Variants in MADD observed in about 807,000 individuals in gnomAD.
MADD encodes the protein MAP kinase-activating death domain protein.
A neutral mutation model predicts 176.7 loss-of-function variants in MADD; 109 were observed. That is an observed-to-expected ratio of 0.62 (90% CI 0.53 to 0.72). The LOEUF (loss-of-function observed/expected upper bound fraction) is 0.72. Ranked by LOEUF, MADD falls within the 30% of genes least tolerant of loss-of-function variation. The pLI is 0.00. For missense variants in MADD, 1,914 were observed against 2,045.5 expected, an observed-to-expected ratio of 0.94 and a Z score of 1.24; for synonymous variants, 771 against 771.3, an observed-to-expected ratio of 1.00 and a Z score of 0.01.
At chr11:47,317,077 T>A (rs1394363724) in intron 27 of MADD, among the ~76,000 whole-genome samples, 1 of 152,210 alleles carries the variant, frequency 6.6e-6, no homozygotes, top group Non-Finnish European at 1.5e-5. Context: ...AGATAGCACA[T>A]CTTATCCATT....
At chr11:47,313,394 CCTCCTGGG>C (rs773489811) in intron 26 of MADD, among the ~76,000 whole-genome samples, 72 of 151,524 alleles carry the variant, frequency 4.8e-4, no homozygotes, top group Non-Finnish European at 8.4e-4. Context: ...GCTACCTCCG[CCTCCTGGG>C]CTCCTGGGTT....
chr11:47,309,264 A>C lies in MADD; in HGVS notation c.3752-17A>C. On this transcript the variant is annotated splice_polypyrimidine_tract_variant and intron_variant, in intron 23 of 32. Coordinates refer to ENST00000402192, the Ensembl canonical transcript of MADD. ...AAATGTTAAATAGGCCCCCTAAGAA[A>C]CCTTTATTCTATGCAGGCAAAGAGC... 2 of 1,605,710 alleles carry C rather than the reference A, an allele frequency of 1.2e-6. No homozygotes were observed. The highest frequency in any genetic ancestry group is 1.7e-6 in the Non-Finnish European group (2 of 1,177,358).
At chr11:47,317,415 T>C (rs1237900452) in intron 27 of MADD, among the ~76,000 whole-genome samples, 4 of 152,226 alleles carry the variant, frequency 2.6e-5, no homozygotes, top group African/African-American at 9.6e-5. Context: ...TAACACGTAA[T>C]ACCCCCTTTG....
At chr11:47,278,087 A>T in intron 5 of MADD, 78 bp from the exon 6 acceptor site, 1 of 937,026 alleles carries the variant, frequency 1.1e-6, no homozygotes, top group South Asian at 1.3e-5. Flanking sequence ...GCATTTCCTT[A>T]TCTAGAAGAA....
chr11:47,328,105 C>T, intron 31 of MADD: 3 of 998,570 alleles, frequency 3.0e-6, no homozygotes, highest in Admixed American at 5.3e-5. Context: ...CAGGGAAGGA[C>T]ACTGCCACAT....
intron 22 of MADD, among the ~76,000 whole-genome samples, chr11:47,301,475 T>G (rs1047262105): frequency 1.3e-5 from 2 of 152,176 alleles, no homozygotes; most frequent in Non-Finnish European, 2.9e-5. Context: ...TCTTCTAATT[T>G]TGGGTTTGGT....
At chr11:47,327,591 C>T in intron 31 of MADD, 1 of 985,406 alleles carries the variant, frequency 1.0e-6, no homozygotes, top group Non-Finnish European at 1.2e-6. Context: ...ACCTTGCCTC[C>T]CCCTTCTCAC....
intron 1 of MADD, chr11:47,272,451 C>T (rs939408256): frequency 7.9e-5 from 12 of 152,140 alleles, no homozygotes; most frequent in African/African-American, 2.7e-4. Flanking sequence ...TGGGAGTGCC[C>T]GCAGCAGCAG....
chr11:47,284,317 A>G (rs767902394), intron 11 of MADD, 36 bp downstream of exon 11: 13 of 1,612,694 alleles, frequency 8.1e-6, no homozygotes, highest in Admixed American at 1.7e-5. Flanking sequence ...AGCCCTGGGC[A>G]GGGGTTGGGG....
At chr11:47,285,138 G>T in exon 13 of MADD, 2 of 1,614,106 alleles carry the variant, frequency 1.2e-6, no homozygotes, top group Non-Finnish European at 1.7e-6. Flanking sequence ...AGGAAGATGA[G>T]GATGAGCAGG....
intron 4 of MADD, among the ~76,000 whole-genome samples, chr11:47,276,437 G>T (rs61896046): frequency 6.6e-5 from 10 of 152,196 alleles, no homozygotes; most frequent in Non-Finnish European, 1.5e-4. Context: ...ATCCTTAATT[G>T]TACTGACCTA....
At chr11:47,278,271 G>A in exon 6 of MADD, 1 of 1,611,478 alleles carries the variant, frequency 6.2e-7, no homozygotes, top group Non-Finnish European at 8.5e-7. Context: ...GATCTGGACA[G>A]CAATAGGGTG....
At chr11:47,303,529 C>T (rs2079771414) in intron 22 of MADD, among the ~76,000 whole-genome samples, 1 of 151,886 alleles carries the variant, frequency 6.6e-6, no homozygotes, top group East Asian at 1.9e-4. Flanking sequence ...TGAGCCACTG[C>T]ACCCGGCCTT....
intron 22 of MADD, among the ~76,000 whole-genome samples, chr11:47,296,870 G>A (rs936528814): frequency 2.6e-5 from 4 of 151,066 alleles, no homozygotes; most frequent in Non-Finnish European, 4.4e-5. Context: ...GACCTGTTAG[G>A]CTCAAGTGAT....
chr11:47,278,180 A>G (rs1230763315), exon 6 of MADD: 6 of 1,613,764 alleles, frequency 3.7e-6, no homozygotes, highest in African/African-American at 2.7e-5. Flanking sequence ...GTTGGCTCCA[A>G]CCCCGTACAT....
chr11:47,289,306 T>C, intron 15 of MADD, 85 bp from the exon 17 acceptor site: 1 of 1,152,992 alleles, frequency 8.7e-7, no homozygotes. Flanking sequence ...GGAACGGGCA[T>C]GGAACATGGC....
intron 5 of MADD, 65 bp from the exon 6 acceptor site, chr11:47,278,100 C>T (rs565814916): frequency 3.8e-6 from 4 of 1,064,878 alleles, no homozygotes; most frequent in Non-Finnish European, 5.9e-6. Flanking sequence ...TAGAAGAATC[C>T]AGACTTGATA....
At chr11:47,320,220 G>T (rs1344833395) in intron 27 of MADD, among the ~76,000 whole-genome samples, 2 of 151,834 alleles carry the variant, frequency 1.3e-5, no homozygotes, top group Non-Finnish European at 2.9e-5. Context: ...ACTTTGGGAG[G>T]CCAAGGTGGG....
intron 29 of MADD, 32 bp downstream of exon 32, chr11:47,324,369 C>T (rs1284918445): frequency 1.2e-6 from 2 of 1,612,466 alleles, no homozygotes; most frequent in African/African-American, 2.7e-5. Context: ...AGTGTCTTCC[C>T]TGTTTCTACC....
Sources: allele counts gnomAD v4.1 joint callset (sites outside exome capture counted in the v4.1 genomes callset), GRCh38; gene constraint gnomAD v4.1.1; transcripts MANE v1.5; gene names NCBI Gene and HGNC (gene_info 2026-07-23, HGNC 2026-07-21).